Variants in ADGRA1 observed in about 807,000 individuals in gnomAD.
ADGRA1 encodes the protein adhesion G protein-coupled receptor A1.
ADGRA1 carries 12 observed loss-of-function variants against 21.3 expected under a neutral mutation model. The ratio of observed to expected loss-of-function variants is 0.56; its 90% CI spans 0.36 to 0.91. The LOEUF (loss-of-function observed/expected upper bound fraction) is 0.91, where lower values mean the gene tolerates loss of function less well. Among genes scored for constraint, ADGRA1 ranks in the 40% least tolerant of loss-of-function variants. The pLI is 0.01. For missense variants in ADGRA1, 790 were observed against 805.6 expected, an observed-to-expected ratio of 0.98 and a Z score of 0.23; for synonymous variants, 385 against 368.8, an observed-to-expected ratio of 1.04 and a Z score of -0.50.
At chr10:133,100,461 G>A (rs979628238) in intron 4 of ADGRA1, among the ~76,000 whole-genome samples, 3 of 152,200 alleles carry the variant, frequency 2.0e-5, no homozygotes, top group Non-Finnish European at 2.9e-5. Flanking sequence ...CCCCGCCCGC[G>A]CCTTCGGGAA....
In ADGRA1 at chr10:133,129,219, C is replaced by T. The variant is rs1212621665; in HGVS notation, c.1391C>T (p.Ala464Val). 3 of 1,549,880 alleles carry T rather than the reference C, an allele frequency of 1.9e-6. No individual in the cohort carries two copies. Among genetic ancestry groups the T allele is most frequent in the East Asian group, 2.4e-5 (1 of 40,914 alleles). The change falls in exon 7 of 7, where the codon GCG becomes GTG. Residue 464 changes from alanine (A) to valine (V), a missense_variant. By Grantham distance (64) the Ala-to-Val change is moderately conservative. Transcript: ENST00000392607. The part of the protein sequence containing the change: ...DSPPSSLDGP[A>V]GTHTLACCTQ... ...CCCCCCAGCTCTCTGGATGGCCCGG[C>T]GGGGACACACACGCTGGCCTGCTGC...
At position 133,122,746 on chromosome 10, in the gene ADGRA1, C is replaced by T. The variant is rs531016220; in HGVS notation, c.402-4487C>T. On this transcript the variant is annotated intron_variant, in intron 5 of 6. Transcript: ENST00000392607. ...CCTTGGGGCCGGCCCCACCCCTGGCCGTGCCTCCCTGGCCTGGCCCTGGGG... is the reference window on the plus strand; with the variant it reads ...CCTTGGGGCCGGCCCCACCCCTGGCTGTGCCTCCCTGGCCTGGCCCTGGGG... Among the ~76,000 whole-genome samples, 131 of 152,088 alleles carry T rather than the reference C, an allele frequency of 8.6e-4. 1 individual carries two copies. Among genetic ancestry groups the T allele is most frequent in the Non-Finnish European group, 5.9e-4 (40 of 67,972 alleles).
At chr10:133,092,777 G>GGAAGGAAGGAAC (rs1851618580) in intron 2 of ADGRA1, among the ~76,000 whole-genome samples, 1 of 136,264 alleles carries the variant, frequency 7.3e-6, no homozygotes, top group African/African-American at 2.8e-5. Flanking sequence ...AAGGAAGGAA[G>GGAAGGAAGGAAC]GAAGGAAGGA....
At chr10:133,102,463 G>T (rs898460955) in intron 4 of ADGRA1, 3 of 650,584 alleles carry the variant, frequency 4.6e-6, no homozygotes, top group African/African-American at 3.6e-5. Flanking sequence ...CAGACTCCCT[G>T]CTCCCGTCTC....
chr10:133,124,798 G>C (rs865790002), intron 5 of ADGRA1, among the ~76,000 whole-genome samples: 3 of 152,234 alleles, frequency 2.0e-5, no homozygotes, highest in Non-Finnish European at 4.4e-5. Flanking sequence ...GCGGTGGATG[G>C]TGGATGCTGG....
intron 5 of ADGRA1, among the ~76,000 whole-genome samples, chr10:133,119,887 C>T (rs189810614): frequency 2.6e-5 from 4 of 152,344 alleles, no homozygotes; most frequent in Admixed American, 6.5e-5. Context: ...GTCCACTTAA[C>T]GGAGCACAGG....
intron 5 of ADGRA1, among the ~76,000 whole-genome samples, chr10:133,109,650 G>T (rs534723997): frequency 5.3e-5 from 8 of 152,168 alleles, no homozygotes; most frequent in African/African-American, 1.7e-4. Context: ...CAGAGCAACT[G>T]TCCCCTGACC....
At chr10:133,116,078 G>T (rs1225400120) in intron 5 of ADGRA1, among the ~76,000 whole-genome samples, 1 of 151,366 alleles carries the variant, frequency 6.6e-6, no homozygotes, top group Non-Finnish European at 1.5e-5. Context: ...CCAAGCCCAG[G>T]GCTAGACGCA....
chr10:133,106,704 G>A (rs1022045685), intron 5 of ADGRA1, among the ~76,000 whole-genome samples: 1 of 152,264 alleles, frequency 6.6e-6, no homozygotes, highest in African/African-American at 2.4e-5. Flanking sequence ...TCGAGGTGAG[G>A]CCTGGGCGAG....
chr10:133,092,249 T>G (rs1337387482), intron 2 of ADGRA1, among the ~76,000 whole-genome samples: 1 of 152,192 alleles, frequency 6.6e-6, no homozygotes, highest in Non-Finnish European at 1.5e-5. Flanking sequence ...TTTTTTAGTC[T>G]AATATCTAAA....
intron 5 of ADGRA1, among the ~76,000 whole-genome samples, chr10:133,119,087 T>C (rs888259739): frequency 6.6e-6 from 1 of 152,070 alleles, no homozygotes; most frequent in Non-Finnish European, 1.5e-5. Flanking sequence ...CGCACTCACA[T>C]GCTCACATCA....
intron 2 of ADGRA1, chr10:133,093,159 GC>G: frequency 6.3e-7 from 1 of 1,596,490 alleles, no homozygotes; most frequent in South Asian, 1.1e-5. Flanking sequence ...TGCAGACCTG[GC>G]CCCGGACACC....
intron 5 of ADGRA1, among the ~76,000 whole-genome samples, chr10:133,125,851 A>G (rs1287183878): frequency 6.6e-6 from 1 of 152,218 alleles, no homozygotes; most frequent in African/African-American, 2.4e-5. Flanking sequence ...GAGACTATAT[A>G]GGACCGTTTC....
chr10:133,128,364 TCTA>T lies in ADGRA1; in HGVS notation c.538_540del (p.Tyr180del). The T allele has an allele frequency of 1.9e-6, 3 of 1,572,004 alleles. No homozygotes were observed. Among genetic ancestry groups the T allele is most frequent in the Non-Finnish European group, 2.6e-6 (3 of 1,161,080 alleles). On this transcript the variant is annotated inframe_deletion, in exon 7 of 7. Transcript: ENST00000392607. ...GCCTGGGAGCCCAGCCTGGGCGCCT[TCTA>T]CGGCCCAGCCGCCATCATCACCCTG... is the stretch of plus-strand genomic sequence containing the variant.
intron 2 of ADGRA1, chr10:133,095,674 ACT>A (rs1851675489): frequency 4.4e-6 from 7 of 1,596,636 alleles, no homozygotes; most frequent in Non-Finnish European, 4.2e-6. Context: ...CACGGTGGAC[ACT>A]CTCTAGCCAG....
intron 5 of ADGRA1, among the ~76,000 whole-genome samples, chr10:133,105,348 C>T (rs11101932): frequency 0.24 from 36,528 of 152,102 alleles, 5,354 homozygotes; most frequent in East Asian, 0.55. Context: ...CGTGTGTAAG[C>T]CCCCGTCCCC....
At chr10:133,123,518 C>T (rs1428723670) in intron 5 of ADGRA1, among the ~76,000 whole-genome samples, 3 of 152,232 alleles carry the variant, frequency 2.0e-5, no homozygotes, top group South Asian at 2.1e-4. Flanking sequence ...AGCAGCAGCA[C>T]GCCCGTCCTG....
chr10:133,110,541 A>G (rs895076710), intron 5 of ADGRA1, among the ~76,000 whole-genome samples: 7 of 152,260 alleles, frequency 4.6e-5, no homozygotes, highest in Admixed American at 4.6e-4. Context: ...TGAGCTGCAC[A>G]GGGTCGAATG....
At chr10:133,123,488 C>T (rs1288095173) in intron 5 of ADGRA1, among the ~76,000 whole-genome samples, 1 of 152,204 alleles carries the variant, frequency 6.6e-6, no homozygotes, top group Non-Finnish European at 1.5e-5. Flanking sequence ...CTCCACGAGG[C>T]TCCCCAGTCA....
Sources: gnomAD v4.1 joint callset for allele counts (sites outside exome capture counted in the v4.1 genomes callset) on GRCh38, gnomAD v4.1.1 for gene constraint, MANE v1.5 for transcripts, NCBI Gene and HGNC (gene_info 2026-07-23, HGNC 2026-07-21) for gene names.